CPXM1: variants seen among roughly 807,000 people sequenced by gnomAD.
CPXM1 encodes probable carboxypeptidase X1.
A neutral mutation model predicts 80.4 loss-of-function variants in CPXM1; 72 were observed. The ratio of observed to expected loss-of-function variants is 0.90; its 90% CI spans 0.74 to 1.09. The LOEUF is 1.09. Ranked by LOEUF, CPXM1 falls within the 50% of genes least tolerant of loss-of-function variation. CPXM1 has a pLI of 0.00. For missense variants in CPXM1, 892 were observed against 999.4 expected (o/e 0.89, Z 1.45); for synonymous variants, 403 against 405.6 (o/e 0.99, Z 0.08).
Position 2,794,502 on chromosome 20 carries a change from C to T in CPXM1, c.1963+35G>A. Reference sequence around the variant, plus strand: ...TGCTTCTTCCCGAGCCTCCAGCCCTCCAGCCCCTTCCCTTGCCCTCCCGGT... The same window carrying T: ...TGCTTCTTCCCGAGCCTCCAGCCCTTCAGCCCCTTCCCTTGCCCTCCCGGT... On this transcript the variant is annotated intron_variant, in intron 13 of 13. Transcript: ENST00000380605. This position sits in a 1 kb window ranked among gnomAD's most constrained non-coding sequence, Gnocchi z 5.2. The T allele has an allele frequency of 6.2e-7, 1 of 1,613,854 alleles. No homozygotes were observed. The highest frequency in any genetic ancestry group is 1.1e-5 in the South Asian group (1 of 91,058).
In CPXM1 at chr20:2,797,099, T is replaced by G. The variant is rs1257905318; in HGVS notation, c.833-5A>C. 15 of 1,613,944 alleles carry G rather than the reference T, an allele frequency of 9.3e-6. No individual in the cohort carries two copies. Among genetic ancestry groups the G allele is most frequent in the Non-Finnish European group, 1.2e-5 (14 of 1,179,932 alleles). On this transcript the variant is annotated splice_polypyrimidine_tract_variant and splice_region_variant and intron_variant, in intron 6 of 13. Coordinates refer to ENST00000380605, the MANE Select transcript of CPXM1 (RefSeq NM_019609.5). The stretch of plus-strand genomic sequence containing the variant: ...CAAGGAATAGGTCATTGGGGTCTGG[T>G]GGAGGTTGAGTTTATGGTAAAGGGT...
At position 2,798,454 on chromosome 20, in the gene CPXM1, G is replaced by T. The variant is rs1391634250; in HGVS notation, c.424C>A (p.Pro142Thr). ...ASSSQSFGLG[P>T]HRGRLNIQSG... ...TGAATGTTGAGCCGTCCTCGGTGTG[G>T]TCCAAGACCAAAGGACTGGCTGCTG... The change falls in exon 3 of 14, where the codon CCA (proline) becomes ACA (threonine). Residue 142 changes from proline to threonine, a missense_variant. Pro to Thr is a conservative substitution (Grantham distance 38). Around this residue, in one of 2 missense-constraint regions of CPXM1, gnomAD observed 874 missense variants for 958.4 expected, o/e 0.91. Coordinates refer to ENST00000380605, the MANE Select transcript of CPXM1 (RefSeq NM_019609.5). The T allele has an allele frequency of 6.2e-7, 1 of 1,613,900 alleles. No homozygotes were observed. The highest frequency in any genetic ancestry group is 8.5e-7 in the Non-Finnish European group (1 of 1,179,968).
In CPXM1 at chr20:2,795,250, G is replaced by A; in HGVS notation, c.1860+27C>T. Reference sequence around the variant, plus strand: ...ATGGACAGCAGGAGTGATTCAGGCAGGCTGGGGGCCGGGACGCAGATCCGA... The same window carrying A: ...ATGGACAGCAGGAGTGATTCAGGCAAGCTGGGGGCCGGGACGCAGATCCGA... On this transcript the variant is annotated intron_variant, in intron 12 of 13. Coordinates refer to ENST00000380605, the MANE Select transcript of CPXM1 (RefSeq NM_019609.5). The surrounding 1 kb of genome is among the most constrained non-coding windows in gnomAD (Gnocchi z 5.4). 1 of 1,608,556 alleles carries A rather than the reference G, an allele frequency of 6.2e-7. No individual in the cohort carries two copies.
At chr20:2,797,816 C>T (rs2088525528) in intron 5 of CPXM1, 152 bp downstream of exon 5, 1 of 672,948 alleles carries the variant, frequency 1.5e-6, no homozygotes, top group South Asian at 1.8e-5. Flanking sequence ...CCCAATGGTG[C>T]CTGCCGTGTG....
In CPXM1 at chr20:2,795,992, G is replaced by A; in HGVS notation, c.1412C>T (p.Pro471Leu). The change falls in exon 10 of 14, where the codon CCC becomes CTC. Residue 471 changes from proline to leucine, a missense_variant. Pro to Leu is a moderately conservative substitution (Grantham distance 98). Around this residue, in one of 2 missense-constraint regions of CPXM1, gnomAD observed 874 missense variants for 958.4 expected, o/e 0.91. Transcript: ENST00000380605. This position sits in a 1 kb window ranked among gnomAD's most constrained non-coding sequence, Gnocchi z 5.4. Reference protein sequence around the residue: ...HLPLPTYYTLPNATVAPETRA... With the variant: ...HLPLPTYYTLLNATVAPETRA... ...CCTCAAAATACTCACGGTGGCATTG[G>A]GCAGGGTGTAGTAAGTGGGCAATGG... The A allele has an allele frequency of 1.2e-6, 2 of 1,609,376 alleles. No homozygotes were observed. The highest frequency in any genetic ancestry group is 1.7e-6 in the Non-Finnish European group (2 of 1,177,510).
Position 2,800,596 on chromosome 20 carries a change from G to T in CPXM1, c.-24C>A, listed in dbSNP as rs1397074711. The T allele has an allele frequency of 1.1e-5, 15 of 1,324,346 alleles. No homozygotes were observed. Among genetic ancestry groups the T allele is most frequent in the Non-Finnish European group, 1.3e-5 (14 of 1,040,894 alleles). 82.0% of individuals were successfully genotyped at this position (1,324,346 alleles called of 1,614,324 possible). On this transcript the variant is annotated 5_prime_UTR_variant, in exon 1 of 14. Transcript: ENST00000380605. ...ATGGCGGGGATTGAGTGCCAGGGGC[G>T]CGCGGGCTACGGCGGGTGGCGGGTC...
Position 2,794,353 on chromosome 20 carries a change from A to C in CPXM1, c.2042T>G (p.Val681Gly). 6.2e-7 allele frequency: 1 copy of C among 1,614,122 alleles called. No homozygotes were observed. The highest frequency in any genetic ancestry group is 8.5e-7 in the Non-Finnish European group (1 of 1,180,022). The change falls in exon 14 of 14, where the codon GTG becomes GGG. Residue 681 changes from valine to glycine, a missense_variant. Coordinates refer to ENST00000380605, the MANE Select transcript of CPXM1 (RefSeq NM_019609.5). This position sits in a 1 kb window ranked among gnomAD's most constrained non-coding sequence, Gnocchi z 5.2. ...AAAGGTGACCCGACAGTTCCGTGTCACTGAATGGTAGCCCTCGGCACTGGC... is the reference window on the plus strand; with the variant it reads ...AAAGGTGACCCGACAGTTCCGTGTCCCTGAATGGTAGCCCTCGGCACTGGC... ...VTASAEGYHS[V>G]TRNCRVTFEE...
In CPXM1 at chr20:2,794,715, T is replaced by C. The variant is rs1600264705; in HGVS notation, c.1861-76A>G. 1.7e-6 allele frequency: 2 copies of C among 1,211,524 alleles called. No homozygotes were observed. Among genetic ancestry groups the C allele is most frequent in the East Asian group, 2.3e-5 (1 of 42,960 alleles). The allele number at this position is 1,211,524 out of a possible 1,614,324, so 75.0% of individuals were successfully genotyped here. ...CTGTTTAGCTAACTTGCTGGCTCTG[T>C]TGCCCTGCAAACCTGAGCAAAGTGG... On this transcript the variant is annotated intron_variant, in intron 12 of 13. Transcript: ENST00000380605. The surrounding 1 kb of genome is among the most constrained non-coding windows in gnomAD (Gnocchi z 5.2).
Position 2,798,837 on chromosome 20 carries a change from T to C in CPXM1, c.229A>G (p.Lys77Glu), listed in dbSNP as rs774023671. ...RVIKKKKVIM[K>E]KRKKLTLTRP... Reference sequence around the variant, plus strand: ...GTTAGAGTTAGCTTCTTCCGCTTCTTCATAATGACCTTTTTCTTCTTGATG... The same window carrying C: ...GTTAGAGTTAGCTTCTTCCGCTTCTCCATAATGACCTTTTTCTTCTTGATG... Residue 77 changes from lysine to glutamate, a missense_variant, in exon 2 of 14, where the codon AAG (lysine) becomes GAG (glutamate). Lys to Glu is a moderately conservative substitution (Grantham distance 56). Transcript: ENST00000380605. 1.2e-6 allele frequency: 2 copies of C among 1,613,940 alleles called. No individual in the cohort carries two copies. Among genetic ancestry groups the C allele is most frequent in the African/African-American group, 1.3e-5 (1 of 74,890 alleles).
rs533368589 is a variant in CPXM1, at chr20:2,799,362, C to T, written c.173-469G>A. Reference sequence around the variant, plus strand: ...CCAGACTCAGCATCATGCCCCAAAACCCCTGTGCCGCTTCCATTGTTGTGT... The same window carrying T: ...CCAGACTCAGCATCATGCCCCAAAATCCCTGTGCCGCTTCCATTGTTGTGT... On this transcript the variant is annotated intron_variant, in intron 1 of 13. Coordinates refer to ENST00000380605, the MANE Select transcript of CPXM1 (RefSeq NM_019609.5). 3.9e-5 allele frequency among the ~76,000 whole-genome samples: 6 copies of T among 152,332 alleles called. No individual in the cohort carries two copies. The South Asian group carries it at 1.0e-3, about 26-fold the overall frequency.
In CPXM1 at chr20:2,796,952, G is replaced by T; in HGVS notation, c.921+54C>A. 6.6e-7 allele frequency: 1 copy of T among 1,523,578 alleles called. No individual in the cohort carries two copies. The highest frequency in any genetic ancestry group is 1.1e-5 in the South Asian group (1 of 88,188). 94.4% of individuals were successfully genotyped at this position (1,523,578 alleles called of 1,614,324 possible). A position where few individuals can be genotyped will look rare whatever the true frequency, so the allele number is the denominator to read the frequency against. ...TTGTGCCCCGGTGGGAAGGTGGGAA[G>T]GGGACCTGAGATGGGTGGGCCCTCC... is the stretch of plus-strand genomic sequence containing the variant. On this transcript the variant is annotated intron_variant, in intron 7 of 13. Transcript: ENST00000380605. This position sits in a 1 kb window ranked among gnomAD's most constrained non-coding sequence, Gnocchi z 6.8.
At position 2,798,501 on chromosome 20, in the gene CPXM1, G is replaced by A. The variant is rs892116775; in HGVS notation, c.377C>T (p.Ser126Leu). The change falls in exon 3 of 14, where the codon TCA becomes TTA. Residue 126 changes from serine (S) to leucine (L), a missense_variant. This residue lies in a region of CPXM1 where 874 missense variants were observed against 958.4 expected (regional missense o/e 0.91). Transcript: ENST00000380605. ...GCTGGATGCCTCAAGCCGGCTATCT[G>A]AAACTCGCAGGGACTCCAGACCCAA... ...PPLGLESLRV[S>L]DSRLEASSSQ... 1.9e-5 allele frequency: 30 copies of A among 1,614,206 alleles called. No homozygotes were observed. The highest frequency in any genetic ancestry group is 1.6e-4 in the Middle Eastern group (1 of 6,062).
Position 2,796,098 on chromosome 20 carries a change from T to C in CPXM1, c.1306A>G (p.Asn436Asp). 2 of 1,613,880 alleles carry C rather than the reference T, an allele frequency of 1.2e-6. No homozygotes were observed. Among genetic ancestry groups the C allele is most frequent in the Non-Finnish European group, 1.7e-6 (2 of 1,179,926 alleles). Residue 436 changes from asparagine (N) to aspartate (D), a missense_variant, in exon 10 of 14, where the codon AAT becomes GAT. Physicochemically the swap from Asn to Asp is conservative, Grantham distance 23. This residue lies in a region of CPXM1 where 874 missense variants were observed against 958.4 expected (regional missense o/e 0.91). Coordinates refer to ENST00000380605, the MANE Select transcript of CPXM1 (RefSeq NM_019609.5). This position sits in a 1 kb window ranked among gnomAD's most constrained non-coding sequence, Gnocchi z 6.8. The stretch of plus-strand genomic sequence containing the variant: ...AGTGGTGTGTTGAGGTCAGCAAAAT[T>C]ATGGTTAAGATCGATGCTCTGGTTG... ...WNNQSIDLNH[N>D]FADLNTPLWE...
rs1600266563 is a variant in CPXM1, at chr20:2,796,428, C to A, written c.1061G>T (p.Arg354Leu). The change falls in exon 9 of 14, where the codon CGC (arginine) becomes CTC (leucine). Residue 354 changes from arginine (R) to leucine (L), a missense_variant. Arg to Leu is a moderately radical substitution (Grantham distance 102). Transcript: ENST00000380605. The surrounding 1 kb of genome is among the most constrained non-coding windows in gnomAD (Gnocchi z 6.8). The part of the protein sequence containing the change: ...GEHELGEPEV[R>L]YVAGMHGNEA... ...GTTCCCATGCATGCCAGCCACGTAG[C>A]GCACCTCAGGCTCCCCTGGGGACAC... 1 of 1,613,962 alleles carries A rather than the reference C, an allele frequency of 6.2e-7. No individual in the cohort carries two copies. The highest frequency in any genetic ancestry group is 2.2e-5 in the East Asian group (1 of 44,874).
Position 2,795,673 on chromosome 20 carries a change from C to A in CPXM1, c.1646G>T (p.Arg549Leu). 1.9e-6 allele frequency: 3 copies of A among 1,613,990 alleles called. No individual in the cohort carries two copies. The highest frequency in any genetic ancestry group is 2.7e-5 in the African/African-American group (2 of 75,044). ...GGAGAAGTCCTGGCTGTGGCAGGGT[C>A]GGCGGCTGGTGTCCTGCATGGCCAG... ...SNLAMQDTSR[R>L]PCHSQDFSVH... Residue 549 changes from arginine (R) to leucine (L), a missense_variant, in exon 11 of 14, where the codon CGA becomes CTA. Arg to Leu is a moderately radical substitution (Grantham distance 102, BLOSUM62 -2). Transcript: ENST00000380605. The surrounding 1 kb of genome is among the most constrained non-coding windows in gnomAD (Gnocchi z 5.4).
Position 2,798,301 on chromosome 20 carries a change from C to A in CPXM1, c.451-10G>T. The A allele has an allele frequency of 6.2e-7, 1 of 1,613,580 alleles. No homozygotes were observed. Among genetic ancestry groups the A allele is most frequent in the East Asian group, 2.2e-5 (1 of 44,884 alleles). On this transcript the variant is annotated splice_polypyrimidine_tract_variant and intron_variant, in intron 3 of 13. Transcript: ENST00000380605. ...CGTCCTCCAGGCCTGACTGCAGACA[C>A]AGGACATGGTGGTCAGGCCCAGTTG...
chr20:2,795,508 G>A lies in CPXM1; in HGVS notation c.1720+91C>T, dbSNP rs1600265342. 47 of 1,585,920 alleles carry A rather than the reference G, an allele frequency of 3.0e-5. No individual in the cohort carries two copies. In the East Asian group the frequency reaches 1.0e-3, roughly 34 times the overall value. On this transcript the variant is annotated intron_variant, in intron 11 of 13. Coordinates refer to ENST00000380605, the MANE Select transcript of CPXM1 (RefSeq NM_019609.5). The surrounding 1 kb of genome is among the most constrained non-coding windows in gnomAD (Gnocchi z 5.4). The stretch of plus-strand genomic sequence containing the variant: ...CTTCTCTGAGGGACACTTCAGAGTG[G>A]GAACAGACGCCAGCACTGTACGCAA...
Position 2,798,246 on chromosome 20 carries a change from C to T in CPXM1, c.496G>A (p.Glu166Lys). 1 of 1,613,980 alleles carries T rather than the reference C, an allele frequency of 6.2e-7. No homozygotes were observed. The highest frequency in any genetic ancestry group is 2.2e-5 in the East Asian group (1 of 44,886). Residue 166 changes from glutamate to lysine, a missense_variant, in exon 4 of 14, where the codon GAG becomes AAG. By Grantham distance (56) the Glu-to-Lys change is moderately conservative. Coordinates refer to ENST00000380605, the MANE Select transcript of CPXM1 (RefSeq NM_019609.5). The part of the protein sequence containing the change: ...GDLYDGAWCA[E>K]EQDADPWFQV... ...AACCATGGATCGGCGTCCTGCTCCT[C>T]AGCACACCAGGCTCCATCATATAGA...
At position 2,794,653 on chromosome 20, in the gene CPXM1, G is replaced by A. The variant is rs2088486532; in HGVS notation, c.1861-14C>T. Reference sequence around the variant, plus strand: ...GCCCATGCGCACCTGTGTGGGAAGAGGTTATCAGAGCCCTTCCCCTTCGGC... The same window carrying A: ...GCCCATGCGCACCTGTGTGGGAAGAAGTTATCAGAGCCCTTCCCCTTCGGC... On this transcript the variant is annotated splice_polypyrimidine_tract_variant and intron_variant, in intron 12 of 13. Transcript: ENST00000380605. This position sits in a 1 kb window ranked among gnomAD's most constrained non-coding sequence, Gnocchi z 5.2. 2.5e-6 allele frequency: 4 copies of A among 1,597,028 alleles called. No individual in the cohort carries two copies. Among genetic ancestry groups the A allele is most frequent in the Non-Finnish European group, 3.4e-6 (4 of 1,169,146 alleles).
Sources: gnomAD v4.1 joint callset for allele counts (sites outside exome capture counted in the v4.1 genomes callset) on GRCh38, gnomAD v4.1.1 for gene constraint, gnomAD v4.1.1 regional missense constraint, Gnocchi (gnomAD v3.1) non-coding constraint, MANE v1.5 for transcripts, NCBI Gene and HGNC (gene_info 2026-07-23, HGNC 2026-07-21) for gene names.